Variants in GRM7 observed in about 807,000 individuals in gnomAD.
The protein encoded by GRM7 is glutamate metabotropic receptor 7, also known as metabotropic glutamate receptor 7.
In GRM7, 35 loss-of-function variants were observed where a neutral mutation model predicts 84.5. That is an observed-to-expected ratio of 0.41 (90% CI 0.32 to 0.55). The LOEUF is 0.55. Among genes scored for constraint, GRM7 ranks in the 20% least tolerant of loss-of-function variants. The pLI, the probability that GRM7 is intolerant of heterozygous loss-of-function variation, is 0.19. For missense variants in GRM7, 1,003 were observed against 1,194.6 expected (o/e 0.84, Z 2.36); for synonymous variants, 487 against 455.1 (o/e 1.07, Z -0.89).
intron 2 of GRM7, among the ~76,000 whole-genome samples, chr3:7,271,431 C>G (rs929051212): frequency 1.3e-5 from 2 of 151,600 alleles, no homozygotes; most frequent in African/African-American, 2.4e-5. Context: ...TGGTGGCGGG[C>G]GCCTGTAGTC....
chr3:6,957,927 T>C (rs183595180), intron 1 of GRM7, among the ~76,000 whole-genome samples: 56 of 152,300 alleles, frequency 3.7e-4, no homozygotes, highest in Non-Finnish European at 7.1e-4. Context: ...ACTGTTATAA[T>C]ATAACGTAGA....
chr3:7,056,346 G>A (rs1697219926), intron 1 of GRM7, among the ~76,000 whole-genome samples: 1 of 151,888 alleles, frequency 6.6e-6, no homozygotes, highest in East Asian at 1.9e-4. Flanking sequence ...ATTATCCTCA[G>A]GTGCCTTTTA....
chr3:7,411,227 AT>A (rs2125174067), intron 4 of GRM7, among the ~76,000 whole-genome samples: 1 of 152,332 alleles, frequency 6.6e-6, no homozygotes, highest in Admixed American at 6.5e-5. Context: ...TTGCAATACA[AT>A]ATTAATATAT....
chr3:7,660,750 A>C (rs1445511555), intron 8 of GRM7, among the ~76,000 whole-genome samples: 1 of 151,840 alleles, frequency 6.6e-6, no homozygotes, highest in East Asian at 1.9e-4. Context: ...ATAAGGCTCT[A>C]GAAATCGGAA....
intron 4 of GRM7, among the ~76,000 whole-genome samples, chr3:7,358,629 A>G (rs1242575969): frequency 6.7e-6 from 1 of 148,402 alleles, no homozygotes; most frequent in East Asian, 1.9e-4. Flanking sequence ...GTGCTTCCAA[A>G]CTTTATGTTA....
chr3:6,974,401 A>G (rs1159447015), intron 1 of GRM7, among the ~76,000 whole-genome samples: 1 of 152,196 alleles, frequency 6.6e-6, no homozygotes, highest in African/African-American at 2.4e-5. Flanking sequence ...CAGCCTAGAA[A>G]TAACATTTAT....
At chr3:7,513,304 G>A (rs1700273498) in intron 7 of GRM7, among the ~76,000 whole-genome samples, 1 of 152,114 alleles carries the variant, frequency 6.6e-6, no homozygotes, top group African/African-American at 2.4e-5. Flanking sequence ...GCAAAGAAGA[G>A]GGGAACCTTG....
At chr3:7,076,966 G>T (rs755502967) in intron 1 of GRM7, among the ~76,000 whole-genome samples, 7 of 150,256 alleles carry the variant, frequency 4.7e-5, no homozygotes, top group Non-Finnish European at 7.4e-5. Context: ...ACAAACATAT[G>T]AAAAAATGCT....
At chr3:7,160,577 T>C (rs978457510) in intron 2 of GRM7, among the ~76,000 whole-genome samples, 7 of 152,174 alleles carry the variant, frequency 4.6e-5, no homozygotes, top group African/African-American at 1.7e-4. Flanking sequence ...CTACCACCAC[T>C]GACTCCCTTG....
chr3:7,204,106 A>G (rs913578250), intron 2 of GRM7, among the ~76,000 whole-genome samples: 9 of 152,268 alleles, frequency 5.9e-5, no homozygotes, highest in African/African-American at 2.2e-4. Context: ...TGCTTCAGTT[A>G]AAAGAAAAAG....
rs7374553 is a variant in GRM7 at position 7,486,816 on chromosome 3, G to A, written c.1515+25094G>A. ...TGCTGGGAAGTGGAGTTGTTGCTATGCCTGAAAATGTAGAAGTAGCTCTGG... is the reference window on the plus strand; with the variant it reads ...TGCTGGGAAGTGGAGTTGTTGCTATACCTGAAAATGTAGAAGTAGCTCTGG... On this transcript the variant is annotated intron_variant, in intron 7 of 9. Coordinates refer to ENST00000357716, the MANE Select transcript of GRM7 (RefSeq NM_000844.4). This position sits in a 1 kb window ranked among gnomAD's most constrained non-coding sequence, Gnocchi z 5.5. Among the ~76,000 whole-genome samples the A allele has an allele frequency of 0.41, 62,210 of 151,984 alleles. 13,028 individuals are homozygous for A. The highest frequency in any genetic ancestry group is 0.53 in the East Asian group (2,730 of 5,162).
At chr3:7,131,445 G>A (rs1281743974) in intron 1 of GRM7, among the ~76,000 whole-genome samples, 1 of 152,004 alleles carries the variant, frequency 6.6e-6, no homozygotes, top group Non-Finnish European at 1.5e-5. Flanking sequence ...TTCTAAGAGT[G>A]CAGTAACATA....
At chr3:7,630,898 C>T (rs1289612023) in intron 8 of GRM7, among the ~76,000 whole-genome samples, 1 of 152,118 alleles carries the variant, frequency 6.6e-6, no homozygotes, top group Non-Finnish European at 1.5e-5. Flanking sequence ...GTGTTAAGCC[C>T]GATGAACCCA....
At chr3:7,190,842 G>C (rs1206396899) in intron 2 of GRM7, among the ~76,000 whole-genome samples, 1 of 152,074 alleles carries the variant, frequency 6.6e-6, no homozygotes, top group Admixed American at 6.6e-5. Flanking sequence ...TCTCTAGCCA[G>C]AGACAAGGCA....
intron 8 of GRM7, among the ~76,000 whole-genome samples, chr3:7,660,549 ATTCAATATTG>A (rs1313260750): frequency 6.6e-6 from 1 of 152,246 alleles, no homozygotes; most frequent in Non-Finnish European, 1.5e-5. Flanking sequence ...GGTTTGGAAG[ATTCAATATTG>A]TTAAGATATC....
At chr3:7,245,194 C>T (rs558367267) in intron 2 of GRM7, among the ~76,000 whole-genome samples, 21 of 151,934 alleles carry the variant, frequency 1.4e-4, no homozygotes, top group Admixed American at 4.6e-4. Context: ...ATGACATACC[C>T]GGACTCCCTA....
At chr3:7,739,564 C>T (rs1702620931) in intron 9 of GRM7, among the ~76,000 whole-genome samples, 1 of 152,152 alleles carries the variant, frequency 6.6e-6, no homozygotes, top group African/African-American at 2.4e-5. Context: ...AAACCAAAGG[C>T]ACACTCTGGG....
chr3:7,051,645 C>T (rs1697004095), intron 1 of GRM7, among the ~76,000 whole-genome samples: 1 of 151,738 alleles, frequency 6.6e-6, no homozygotes, highest in Admixed American at 6.6e-5. Flanking sequence ...ATGTTTTCTT[C>T]TTTTCTCCCA....
chr3:6,965,034 T>C (rs114940023), intron 1 of GRM7, among the ~76,000 whole-genome samples: 2,591 of 152,290 alleles, frequency 0.017, 79 homozygotes, highest in African/African-American at 0.059. Flanking sequence ...CAATTAACCA[T>C]TGTGGGAAAT....
Sources: allele counts gnomAD v4.1 joint callset (sites outside exome capture counted in the v4.1 genomes callset), GRCh38; gene constraint gnomAD v4.1.1; non-coding constraint Gnocchi (gnomAD v3.1); transcripts MANE v1.5; gene names NCBI Gene and HGNC (gene_info 2026-07-23, HGNC 2026-07-21).